ZNF516: variants seen among roughly 807,000 people sequenced by gnomAD.
The protein encoded by ZNF516 is zinc finger protein 516.
ZNF516 carries 19 observed loss-of-function variants against 79.7 expected under a neutral mutation model. The ratio of observed to expected loss-of-function variants is 0.24; its 90% CI spans 0.17 to 0.35. The LOEUF (loss-of-function observed/expected upper bound fraction) is 0.35, where lower values mean the gene tolerates loss of function less well. Among genes scored for constraint, ZNF516 ranks in the 10% least tolerant of loss-of-function variants. The pLI is 1.00. For synonymous variants in ZNF516, 877 were observed against 739.5 expected (o/e 1.19, Z -3.02); for missense variants, 1,678 against 1,679.5 (o/e 1.00, Z 0.02).
At chr18:76,402,927 T>C (rs1483867198) in intron 3 of ZNF516, among the ~76,000 whole-genome samples, 2 of 152,212 alleles carry the variant, frequency 1.3e-5, no homozygotes, top group African/African-American at 4.8e-5. Context: ...CCACTGGTTG[T>C]GCCACAGAGT....
At chr18:76,440,254 A>G (rs921124452) in intron 3 of ZNF516, among the ~76,000 whole-genome samples, 5 of 152,204 alleles carry the variant, frequency 3.3e-5, no homozygotes, top group African/African-American at 4.8e-5. Flanking sequence ...CAAATCTCTA[A>G]TAAGGAAAAA....
At chr18:76,383,580 C>T (rs1395529835) in intron 3 of ZNF516, among the ~76,000 whole-genome samples, 1 of 147,584 alleles carries the variant, frequency 6.8e-6, no homozygotes, top group Non-Finnish European at 1.5e-5. Context: ...GACCCAGGAC[C>T]CTCTTCCCCA....
chr18:76,398,402 T>C (rs1398899004), intron 3 of ZNF516, among the ~76,000 whole-genome samples: 1 of 152,224 alleles, frequency 6.6e-6, no homozygotes, highest in Admixed American at 6.5e-5. Flanking sequence ...AAAAAATAAT[T>C]AGCTAACACG....
In ZNF516 at chr18:76,492,912, A is replaced by T. The variant is rs940864482; in HGVS notation, c.-272+2232T>A. ...ACATCACACATCTGTGTAAATGCAG[A>T]AGCCTGCGGATGCGCGGGGCTGGCC... On this transcript the variant is annotated intron_variant, in intron 1 of 6. Coordinates refer to ENST00000443185, the MANE Select transcript of ZNF516 (RefSeq NM_014643.4). 5 of 985,484 alleles carry T rather than the reference A, an allele frequency of 5.1e-6. No individual in the cohort carries two copies. The African/African-American group carries it at 8.7e-5, about 17-fold the overall frequency. 61.0% of individuals were successfully genotyped at this position (985,484 alleles called of 1,614,324 possible). A position where few individuals can be genotyped will look rare whatever the true frequency, so the allele number is the denominator to read the frequency against.
rs182712905 is a variant in ZNF516, at chr18:76,456,173, T to C, written c.-158+6855A>G. ...CGAACGTGAAACAATAGATGCTCAC[T>C]TTAGCTCACGCTCCTGGCCTGACTT... On this transcript the variant is annotated intron_variant, in intron 2 of 6. Coordinates refer to ENST00000443185, the MANE Select transcript of ZNF516 (RefSeq NM_014643.4). Among the ~76,000 whole-genome samples, 84 of 152,334 alleles carry C rather than the reference T, an allele frequency of 5.5e-4. 1 individual carries two copies. Among genetic ancestry groups the C allele is most frequent in the Non-Finnish European group, 9.7e-4 (66 of 68,032 alleles).
At chr18:76,386,951 G>A (rs1344414240) in intron 3 of ZNF516, 1 of 152,218 alleles carries the variant, frequency 6.6e-6, no homozygotes, top group Non-Finnish European at 1.5e-5. Context: ...CCAAGGGCAT[G>A]GGGAACCCGT....
At chr18:76,489,704 T>C (rs1915048255) in intron 1 of ZNF516, among the ~76,000 whole-genome samples, 2 of 152,118 alleles carry the variant, frequency 1.3e-5, no homozygotes, top group South Asian at 4.1e-4. Flanking sequence ...AAAACATTGG[T>C]GAGGTAAACT....
At position 76,440,727 on chromosome 18, in the gene ZNF516, T is replaced by C. The variant is rs185297695; in HGVS notation, c.1810+518A>G. Reference sequence around the variant, plus strand: ...TCTACCCAGCTGGAGTGGAGGAAAGTGTGTGTGTGTGTGTTTGTGTGTGTG... The same window carrying C: ...TCTACCCAGCTGGAGTGGAGGAAAGCGTGTGTGTGTGTGTTTGTGTGTGTG... On this transcript the variant is annotated intron_variant, in intron 3 of 6. Coordinates refer to ENST00000443185, the MANE Select transcript of ZNF516 (RefSeq NM_014643.4). 8.8e-4 allele frequency among the ~76,000 whole-genome samples: 75 copies of C among 84,998 alleles called. 1 individual carries two copies. The East Asian group carries it at 0.026, about 29-fold the overall frequency. The allele number at this position is 84,998 out of a possible 152,430, so 55.8% of individuals were successfully genotyped here.
At chr18:76,490,318 A>T in intron 1 of ZNF516, 1 of 346,024 alleles carries the variant, frequency 2.9e-6, no homozygotes, top group Non-Finnish European at 4.1e-6. Context: ...AGACCCATGC[A>T]CAATAGTGGT....
intron 5 of ZNF516, among the ~76,000 whole-genome samples, 158 bp downstream of exon 5, chr18:76,371,309 C>G (rs751483400): frequency 5.3e-5 from 8 of 152,204 alleles, no homozygotes; most frequent in Non-Finnish European, 1.2e-4. Flanking sequence ...GGAGTGGGGG[C>G]GGCCTGTATA....
intron 4 of ZNF516, among the ~76,000 whole-genome samples, chr18:76,376,860 G>C (rs957029625): frequency 6.6e-6 from 1 of 152,064 alleles, no homozygotes; most frequent in Admixed American, 6.6e-5. Flanking sequence ...TGCTCTGCTG[G>C]GAGGCGGCCA....
chr18:76,483,416 G>C (rs925097062), intron 1 of ZNF516, among the ~76,000 whole-genome samples: 4 of 152,166 alleles, frequency 2.6e-5, no homozygotes, highest in Non-Finnish European at 4.4e-5. Context: ...GATCCACTCT[G>C]TCTCTGCCGC....
intron 3 of ZNF516, among the ~76,000 whole-genome samples, chr18:76,382,128 T>A (rs1021351733): frequency 6.7e-6 from 1 of 149,340 alleles, no homozygotes; most frequent in Non-Finnish European, 1.5e-5. Context: ...CAAGACTCCA[T>A]CTTAAAAAAT....
chr18:76,442,594 C>G lies in ZNF516; in HGVS notation c.461G>C (p.Arg154Pro). Residue 154 changes from arginine (R) to proline (P), a missense_variant, in exon 3 of 7, where the codon CGG (arginine) becomes CCG (proline). By Grantham distance (103) the Arg-to-Pro change is moderately radical. Transcript: ENST00000443185. ...SQADSGRVLL[R>P]SSKKGAEGSA... The stretch of plus-strand genomic sequence containing the variant: ...CCCCTCTGCCCCCTTCTTGCTGCTC[C>G]GCAGCAGGACTCTGCCGCTGTCGGC... 6.3e-7 allele frequency: 1 copy of G among 1,597,726 alleles called. No individual in the cohort carries two copies. The highest frequency in any genetic ancestry group is 8.5e-7 in the Non-Finnish European group (1 of 1,179,048).
At chr18:76,492,359 GC>G in intron 1 of ZNF516, 4 of 985,426 alleles carry the variant, frequency 4.1e-6, no homozygotes, top group Non-Finnish European at 4.8e-6. Flanking sequence ...GCGTGGGGTG[GC>G]CGGTGACGCG....
At chr18:76,370,685 C>CA in intron 5 of ZNF516, 90 bp from the exon 6 acceptor site, 7 of 1,081,994 alleles carry the variant, frequency 6.5e-6, no homozygotes, top group East Asian at 3.0e-5. Flanking sequence ...AGTACTTCCA[C>CA]AAAAAAAGAC....
intron 3 of ZNF516, among the ~76,000 whole-genome samples, chr18:76,440,978 A>C (rs1464125889): frequency 6.6e-6 from 1 of 152,016 alleles, no homozygotes; most frequent in Admixed American, 6.5e-5. Flanking sequence ...CTGTGTCTGC[A>C]CTCCAAAGTG....
intron 1 of ZNF516, among the ~76,000 whole-genome samples, chr18:76,494,405 C>T (rs959536596): frequency 6.6e-6 from 1 of 151,412 alleles, no homozygotes; most frequent in Non-Finnish European, 1.5e-5. Flanking sequence ...GGCGCAGCTC[C>T]GAGGAGTCCC....
chr18:76,441,156 G>A (rs1197339746), intron 3 of ZNF516, 89 bp downstream of exon 3: 11 of 1,472,430 alleles, frequency 7.5e-6, no homozygotes, highest in South Asian at 5.5e-5. Flanking sequence ...GCTAATGAGC[G>A]AGCCTACTTG....
Sources: gnomAD v4.1 joint callset for allele counts (sites outside exome capture counted in the v4.1 genomes callset) on GRCh38, gnomAD v4.1.1 for gene constraint, MANE v1.5 for transcripts, NCBI Gene and HGNC (gene_info 2026-07-23, HGNC 2026-07-21) for gene names.